NCAPG2: variants seen among roughly 807,000 people sequenced by gnomAD.
NCAPG2 encodes the protein condensin-2 complex subunit G2.
A neutral mutation model predicts 141.1 loss-of-function variants in NCAPG2; 53 were observed. That is an observed-to-expected ratio of 0.38 (90% CI 0.30 to 0.47). The LOEUF is 0.47. Ranked by LOEUF, NCAPG2 falls within the 20% of genes least tolerant of loss-of-function variation. The pLI is 0.99. For synonymous variants in NCAPG2, 499 were observed against 490.7 expected (o/e 1.02, Z -0.22); for missense variants, 1,087 against 1,389.0 (o/e 0.78, Z 3.46).
rs1453744532 is a variant in NCAPG2, at chr7:158,656,622, G to A, written c.2144C>T (p.Ser715Phe). ...SYCTLLDCLC[S>F]WGQVGHILEL... Reference sequence around the variant, plus strand: ...CAGAATGTGCCCCACCTGCCCCCAGGAGCAGAGGCAATCCAACAAAGTGCA... The same window carrying A: ...CAGAATGTGCCCCACCTGCCCCCAGAAGCAGAGGCAATCCAACAAAGTGCA... The change falls in exon 18 of 28, where the codon TCC becomes TTC. Residue 715 changes from serine (S) to phenylalanine (F), a missense_variant. Physicochemically the swap from Ser to Phe is radical, Grantham distance 155. Transcript: ENST00000356309. 4 of 1,614,118 alleles carry A rather than the reference G, an allele frequency of 2.5e-6. No homozygotes were observed. Among genetic ancestry groups the A allele is most frequent in the African/African-American group, 2.7e-5 (2 of 75,058 alleles).
intron 11 of NCAPG2, 102 bp from the exon 12 acceptor site, chr7:158,675,758 A>C: frequency 8.2e-7 from 1 of 1,223,692 alleles, no homozygotes; most frequent in South Asian, 1.4e-5. Context: ...ACTTAGAGAA[A>C]CTTTGAGCAT....
At chr7:158,638,967 A>G (rs535481134) in intron 27 of NCAPG2, among the ~76,000 whole-genome samples, 1 of 152,320 alleles carries the variant, frequency 6.6e-6, no homozygotes, top group African/African-American at 2.4e-5. Context: ...TAAACCTCAT[A>G]TCAAGTATAA....
In NCAPG2 at chr7:158,689,301, T is replaced by C. The variant is rs577343973; in HGVS notation, c.672+518A>G. On this transcript the variant is annotated intron_variant, in intron 6 of 27. Transcript: ENST00000356309. ...CTTTCCCACTAAATCTTCAAATCCA[T>C]GTGTATTTTATACTTATGGCTAATC... Among the ~76,000 whole-genome samples, 5 of 152,330 alleles carry C rather than the reference T, an allele frequency of 3.3e-5. No homozygotes were observed. The East Asian group carries it at 9.6e-4, about 29-fold the overall frequency.
chr7:158,703,428 T>G (rs980124474), intron 1 of NCAPG2, among the ~76,000 whole-genome samples: 17 of 152,232 alleles, frequency 1.1e-4, no homozygotes, highest in African/African-American at 4.1e-4. Flanking sequence ...TGTACCTCTT[T>G]GGCATGTTAG....
intron 9 of NCAPG2, among the ~76,000 whole-genome samples, chr7:158,681,610 T>G (rs558549640): frequency 1.3e-5 from 2 of 152,354 alleles, no homozygotes; most frequent in South Asian, 4.1e-4. Context: ...GATTATTTTT[T>G]TCTGATTATT....
rs149372082 is a variant in NCAPG2, at chr7:158,683,417, G to GGT, written c.838-33_838-32dup. On this transcript the variant is annotated intron_variant, in intron 8 of 27. Transcript: ENST00000356309. ...ATAACAAATGCAATGCAAAGCACTT[G>GGT]GTGTGTGTGTGTCCTACTGACGACC... The GGT allele has an allele frequency of 1.2e-5, 18 of 1,531,378 alleles. No homozygotes were observed. The African/African-American group carries it at 1.8e-4, about 15-fold the overall frequency. The allele number at this position is 1,531,378 out of a possible 1,614,324, so 94.9% of individuals were successfully genotyped here.
Position 158,667,041 on chromosome 7 carries a change from C to T in NCAPG2, c.1480-2291G>A, listed in dbSNP as rs1833016809. The T allele has an allele frequency of 8.9e-6, 7 of 788,288 alleles. No individual in the cohort carries two copies. The South Asian group carries it at 1.7e-4, about 19-fold the overall frequency. The allele number at this position is 788,288 out of a possible 1,614,324, so 48.8% of individuals were successfully genotyped here. On this transcript the variant is annotated intron_variant, in intron 13 of 27. Coordinates refer to ENST00000356309, the MANE Select transcript of NCAPG2 (RefSeq NM_017760.7). The stretch of plus-strand genomic sequence containing the variant: ...GACAATGCCCTCCCGTCAGCTCCAA[C>T]AGCTGTCCTCTGGCCAGCCAGACTG...
chr7:158,679,811 T>C, intron 11 of NCAPG2, 149 bp downstream of exon 11: 1 of 1,018,928 alleles, frequency 9.8e-7, no homozygotes, highest in Non-Finnish European at 1.4e-6. Flanking sequence ...GTGGCATCTC[T>C]CTGAAGAACA....
Position 158,680,822 on chromosome 7 carries a change from G to C in NCAPG2, c.925-6C>G. 6.4e-7 allele frequency: 1 copy of C among 1,566,684 alleles called. No individual in the cohort carries two copies. The highest frequency in any genetic ancestry group is 8.6e-7 in the Non-Finnish European group (1 of 1,159,902). On this transcript the variant is annotated splice_polypyrimidine_tract_variant and splice_region_variant and intron_variant, in intron 9 of 27. Coordinates refer to ENST00000356309, the MANE Select transcript of NCAPG2 (RefSeq NM_017760.7). ...TGGTGAAAGTAACTCAGAACCTAAGGACCAAAAAAAGGAAAAGGAAGGCAT... is the reference window on the plus strand; with the variant it reads ...TGGTGAAAGTAACTCAGAACCTAAGCACCAAAAAAAGGAAAAGGAAGGCAT...
intron 24 of NCAPG2, among the ~76,000 whole-genome samples, chr7:158,647,779 C>T (rs1328377895): frequency 6.6e-6 from 1 of 151,994 alleles, no homozygotes; most frequent in Non-Finnish European, 1.5e-5. Context: ...TAGCTCACTG[C>T]AGCCTTGAAC....
chr7:158,694,236 G>A (rs1673051109), intron 2 of NCAPG2, among the ~76,000 whole-genome samples: 1 of 152,144 alleles, frequency 6.6e-6, no homozygotes, highest in African/African-American at 2.4e-5. Context: ...ATCAATGACA[G>A]CATACTGATA....
intron 11 of NCAPG2, among the ~76,000 whole-genome samples, chr7:158,676,429 T>G (rs1266324081): frequency 6.6e-6 from 1 of 152,206 alleles, no homozygotes; most frequent in African/African-American, 2.4e-5. Context: ...ACATGGGCCT[T>G]AGTTAGAGAA....
rs948364154 is a variant in NCAPG2, at chr7:158,683,345, C to G, written c.879G>C (p.Gly293=). Residue 293 remains glycine (G), a synonymous_variant, in exon 9 of 28, where the codon GGG becomes GGC. Transcript: ENST00000356309. ...CTGGAGACCTCCTCGGAAGGTGTATCCCGTGGAACATGAAGTCCTGGATGC... is the reference window on the plus strand; with the variant it reads ...CTGGAGACCTCCTCGGAAGGTGTATGCCGTGGAACATGAAGTCCTGGATGC... ...NDCIQDFMFH[G]IHLPRRSPVH... 1.9e-6 allele frequency: 3 copies of G among 1,607,410 alleles called. No homozygotes were observed. The highest frequency in any genetic ancestry group is 1.3e-5 in the African/African-American group (1 of 74,318).
Position 158,664,513 on chromosome 7 carries a change from A to T in NCAPG2, c.1702+15T>A. 1 of 1,610,108 alleles carries T rather than the reference A, an allele frequency of 6.2e-7. No homozygotes were observed. Among genetic ancestry groups the T allele is most frequent in the Non-Finnish European group, 8.5e-7 (1 of 1,177,190 alleles). ...GAAAACATAACAAGAACTGAGAAATAACAGCACTCCCTACCTATGTTGGTG... is the reference window on the plus strand; with the variant it reads ...GAAAACATAACAAGAACTGAGAAATTACAGCACTCCCTACCTATGTTGGTG... On this transcript the variant is annotated intron_variant, in intron 14 of 27. Transcript: ENST00000356309.
chr7:158,693,592 C>G (rs1835263961), intron 2 of NCAPG2, 95 bp from the exon 3 acceptor site: 10 of 1,081,956 alleles, frequency 9.2e-6, no homozygotes, highest in Non-Finnish European at 1.3e-5. Flanking sequence ...GTGTTAACTT[C>G]ATTACAAGTT....
At chr7:158,661,317 A>G (rs1832486827) in intron 16 of NCAPG2, among the ~76,000 whole-genome samples, 1 of 152,258 alleles carries the variant, frequency 6.6e-6, no homozygotes, top group African/African-American at 2.4e-5. Context: ...CACTTTCTTC[A>G]GAGTTAAGAA....
intron 19 of NCAPG2, among the ~76,000 whole-genome samples, chr7:158,655,806 G>C (rs1365604645): frequency 5.7e-4 from 2 of 3,528 alleles, no homozygotes; most frequent in African/African-American, 2.1e-3. Context: ...GCGTAACAGG[G>C]TGTTCAGAGG....
intron 13 of NCAPG2, among the ~76,000 whole-genome samples, chr7:158,666,864 C>A (rs3793179): frequency 0.25 from 38,791 of 152,134 alleles, 5,271 homozygotes; most frequent in East Asian, 0.4. Flanking sequence ...AGGCCTACCA[C>A]AGCTGACAAA....
At chr7:158,670,718 G>C (rs1833632154) in intron 13 of NCAPG2, among the ~76,000 whole-genome samples, 1 of 152,154 alleles carries the variant, frequency 6.6e-6, no homozygotes, top group Admixed American at 6.5e-5. Context: ...CCATATCTTA[G>C]AGGCCTTTCC....
Sources: allele counts gnomAD v4.1 joint callset (sites outside exome capture counted in the v4.1 genomes callset), GRCh38; gene constraint gnomAD v4.1.1; transcripts MANE v1.5; gene names NCBI Gene and HGNC (gene_info 2026-07-23, HGNC 2026-07-21).